KCNN2: variants seen among roughly 807,000 people sequenced by gnomAD.
KCNN2 encodes the protein small conductance calcium-activated potassium channel protein 2.
Under a neutral mutation model 55.5 loss-of-function variants are expected in KCNN2, and 24 were observed. That is an observed-to-expected ratio of 0.43 (90% CI 0.31 to 0.61). KCNN2 has a LOEUF of 0.61. KCNN2 is among the 20% of genes least tolerant of loss of function. The probability of loss-of-function intolerance (pLI) is 0.08; values close to 1 mark genes in which losing one functional copy is unlikely to be tolerated. For synonymous variants in KCNN2, 431 were observed against 336.1 expected, an observed-to-expected ratio of 1.28 and a Z score of -3.09; for missense variants, 754 against 853.6, an observed-to-expected ratio of 0.88 and a Z score of 1.45.
chr5:114,476,545 A>C (rs764064507), intron 5 of KCNN2, among the ~76,000 whole-genome samples: 1 of 151,604 alleles, frequency 6.6e-6, no homozygotes. Flanking sequence ...CAGCCCCCCA[A>C]ATAGCTGGGA....
chr5:114,149,686 C>T (rs1752475357), intron 1 of KCNN2, among the ~76,000 whole-genome samples: 1 of 152,088 alleles, frequency 6.6e-6, no homozygotes, highest in East Asian at 1.9e-4. Context: ...ATAGTGTGTG[C>T]ATCAGTAATT....
chr5:114,359,612 C>G (rs1467249890), upstream of KCNN2, among the ~76,000 whole-genome samples: 1 of 152,138 alleles, frequency 6.6e-6, no homozygotes. Flanking sequence ...ATGCTGGCAA[C>G]AACTATTATG....
At chr5:114,405,326 G>T (rs2150071439) in intron 3 of KCNN2, among the ~76,000 whole-genome samples, 1 of 152,252 alleles carries the variant, frequency 6.6e-6, no homozygotes, top group Middle Eastern at 3.4e-3. Context: ...GTTTTCAAAT[G>T]ATTACTTGAT....
At chr5:114,158,778 G>C (rs1007153293) in intron 1 of KCNN2, among the ~76,000 whole-genome samples, 1 of 151,920 alleles carries the variant, frequency 6.6e-6, no homozygotes, top group African/African-American at 2.4e-5. Context: ...GTGAATGGGA[G>C]TTCACTCATG....
At chr5:114,192,948 C>T (rs1753480668) in intron 1 of KCNN2, among the ~76,000 whole-genome samples, 1 of 152,006 alleles carries the variant, frequency 6.6e-6, no homozygotes, top group Non-Finnish European at 1.5e-5. Flanking sequence ...AACTGATTGT[C>T]CAGATGTTTT....
intron 1 of KCNN2, among the ~76,000 whole-genome samples, chr5:114,212,095 T>A (rs1394322502): frequency 6.6e-6 from 1 of 151,990 alleles, no homozygotes; most frequent in Non-Finnish European, 1.5e-5. Context: ...ATAATGCCAA[T>A]GAAGAAGAAA....
chr5:114,424,298 G>A (rs188736015), intron 3 of KCNN2, among the ~76,000 whole-genome samples: 5 of 152,284 alleles, frequency 3.3e-5, no homozygotes, highest in Admixed American at 2.0e-4. Context: ...AGGGAGATGA[G>A]CACACATCAG....
At chr5:114,312,434 C>CACACACATAT (rs1561566604) in intron 2 of KCNN2, among the ~76,000 whole-genome samples, 2 of 23,446 alleles carry the variant, frequency 8.5e-5, no homozygotes, top group African/African-American at 1.5e-4. Context: ...CACACACACA[C>CACACACATAT]ATATATATAT....
At chr5:114,351,972 C>T (rs1757213143) in intron 2 of KCNN2, among the ~76,000 whole-genome samples, 1 of 151,594 alleles carries the variant, frequency 6.6e-6, no homozygotes, top group South Asian at 2.1e-4. Flanking sequence ...GTTTTTCCTC[C>T]TCTATTTTTT....
chr5:114,152,536 C>T (rs1371819877), intron 1 of KCNN2, among the ~76,000 whole-genome samples: 1 of 152,054 alleles, frequency 6.6e-6, no homozygotes, highest in Non-Finnish European at 1.5e-5. Flanking sequence ...GTGACTTAGC[C>T]CTATGTTTTA....
rs181420858 is a variant in KCNN2, at chr5:114,276,572, A to G, written c.-185+55007A>G. On this transcript the variant is annotated intron_variant, in intron 2 of 10. Coordinates refer to the KCNN2 transcript ENST00000512097. ...CTCTTTTTGTTGAATTGATCCCTTT[A>G]CCATTATGTAATGACCCTCTTTGTC... 1.6e-3 allele frequency among the ~76,000 whole-genome samples: 247 copies of G among 151,010 alleles called. 1 individual carries two copies. The highest frequency in any genetic ancestry group is 5.9e-3 in the African/African-American group (241 of 41,090).
chr5:114,285,138 GC>G (rs1755712932), intron 2 of KCNN2, among the ~76,000 whole-genome samples: 1 of 151,626 alleles, frequency 6.6e-6, no homozygotes, highest in Non-Finnish European at 1.5e-5. Flanking sequence ...AAAAAAATTA[GC>G]CGGGTGTGGT....
intron 1 of KCNN2, among the ~76,000 whole-genome samples, chr5:114,060,671 G>A (rs1750307364): frequency 6.6e-6 from 1 of 152,158 alleles, no homozygotes; most frequent in African/African-American, 2.4e-5. Flanking sequence ...GCTTGGTTAG[G>A]TCACAATCTC....
chr5:114,480,838 A>G (rs891707343), intron 5 of KCNN2, among the ~76,000 whole-genome samples: 7 of 152,214 alleles, frequency 4.6e-5, no homozygotes, highest in Non-Finnish European at 1.0e-4. Context: ...AAATGCTCTC[A>G]ATAAACTAGG....
chr5:114,329,660 G>C (rs1332876842), intron 2 of KCNN2, among the ~76,000 whole-genome samples: 1 of 152,122 alleles, frequency 6.6e-6, no homozygotes, highest in Non-Finnish European at 1.5e-5. Context: ...ATGGCCTATT[G>C]TGGGACTTTA....
At chr5:114,100,793 G>A (rs994642445) in intron 1 of KCNN2, among the ~76,000 whole-genome samples, 1 of 151,986 alleles carries the variant, frequency 6.6e-6, no homozygotes, top group African/African-American at 2.4e-5. Flanking sequence ...AAAATAAGAC[G>A]TATTCAAAAC....
At chr5:114,411,132 G>A (rs1354974971) in intron 3 of KCNN2, among the ~76,000 whole-genome samples, 1 of 152,112 alleles carries the variant, frequency 6.6e-6, no homozygotes. Flanking sequence ...TGTGTTTAGA[G>A]TCTACTATTC....
At chr5:114,133,527 C>A (rs1752111851) in intron 1 of KCNN2, among the ~76,000 whole-genome samples, 1 of 152,144 alleles carries the variant, frequency 6.6e-6, no homozygotes, top group Admixed American at 6.5e-5. Context: ...ACCACGGAGA[C>A]AGGGAAATGA....
intron 2 of KCNN2, among the ~76,000 whole-genome samples, chr5:114,278,656 G>A (rs79301770): frequency 0.082 from 12,412 of 152,258 alleles, 630 homozygotes; most frequent in African/African-American, 0.14. Context: ...AGGCTCTGTG[G>A]GCATGGGACC....
Sources: gnomAD v4.1 joint callset for allele counts (sites outside exome capture counted in the v4.1 genomes callset) on GRCh38, gnomAD v4.1.1 for gene constraint, MANE v1.5 for transcripts, NCBI Gene and HGNC (gene_info 2026-07-23, HGNC 2026-07-21) for gene names.